Variants in AGBL4 observed in about 807,000 individuals in gnomAD.
AGBL4 encodes the protein cytosolic carboxypeptidase 6.
A neutral mutation model predicts 66.4 loss-of-function variants in AGBL4; 58 were observed. The observed-to-expected ratio is 0.87, with a 90% CI of 0.71 to 1.09. AGBL4 has a LOEUF of 1.09. AGBL4 is among the 50% of genes least tolerant of loss of function. AGBL4 has a pLI of 0.00. For missense variants in AGBL4, 579 were observed against 631.0 expected, an observed-to-expected ratio of 0.92 and a Z score of 0.88; for synonymous variants, 234 against 222.9, an observed-to-expected ratio of 1.05 and a Z score of -0.44.
downstream of AGBL4, among the ~76,000 whole-genome samples, chr1:48,531,329 G>C (rs1005641782): frequency 1.2e-4 from 19 of 152,044 alleles, no homozygotes; most frequent in South Asian, 3.9e-3. Flanking sequence ...CACTCCATTT[G>C]CTGACATCCA....
chr1:49,840,453 A>C (rs971813267), intron 2 of AGBL4, among the ~76,000 whole-genome samples: 2 of 152,134 alleles, frequency 1.3e-5, no homozygotes, highest in African/African-American at 4.8e-5. Flanking sequence ...TTTAATAACT[A>C]GTATCAATCC....
chr1:49,100,428 C>A (rs1166529382), intron 4 of AGBL4, among the ~76,000 whole-genome samples: 1 of 152,198 alleles, frequency 6.6e-6, no homozygotes, highest in African/African-American at 2.4e-5. Context: ...CTCCCAGGAA[C>A]TGGGGCAATA....
At chr1:49,709,521 T>C (rs917049203) in intron 2 of AGBL4, among the ~76,000 whole-genome samples, 3 of 152,102 alleles carry the variant, frequency 2.0e-5, no homozygotes, top group Non-Finnish European at 2.9e-5. Context: ...AAAGACTTCA[T>C]GACTAAAACA....
At chr1:49,422,782 C>T (rs1455039649) in intron 3 of AGBL4, among the ~76,000 whole-genome samples, 2 of 152,126 alleles carry the variant, frequency 1.3e-5, no homozygotes, top group Non-Finnish European at 2.9e-5. Context: ...ATTCTCATCC[C>T]CACCCCCTTA....
At chr1:49,131,702 G>A (rs1645899383) in intron 4 of AGBL4, among the ~76,000 whole-genome samples, 1 of 152,044 alleles carries the variant, frequency 6.6e-6, no homozygotes, top group African/African-American at 2.4e-5. Context: ...TATTTAGGAA[G>A]CATGAGAATT....
At chr1:48,539,567 G>A in intron 12 of AGBL4, 75 bp downstream of exon 12, 1 of 1,213,686 alleles carries the variant, frequency 8.2e-7, no homozygotes, top group Non-Finnish European at 1.1e-6. Flanking sequence ...GTCAGCAAAA[G>A]GCTAAGGGAA....
At chr1:49,456,353 T>C (rs1188608458) in intron 3 of AGBL4, among the ~76,000 whole-genome samples, 2 of 151,716 alleles carry the variant, frequency 1.3e-5, no homozygotes, top group East Asian at 1.9e-4. Context: ...CCATGAATCA[T>C]TGTATGCACG....
intron 3 of AGBL4, among the ~76,000 whole-genome samples, chr1:49,595,189 C>T (rs573211566): frequency 9.2e-5 from 14 of 152,234 alleles, no homozygotes; most frequent in African/African-American, 2.6e-4. Flanking sequence ...ACCGGGTTCA[C>T]GCCATTCTCC....
intron 3 of AGBL4, among the ~76,000 whole-genome samples, chr1:49,399,645 T>C (rs1383311784): frequency 6.6e-6 from 1 of 152,170 alleles, no homozygotes. Context: ...TATGTCTTCT[T>C]TTCAGAAATG....
At chr1:49,611,374 CT>C (rs35960918) in intron 3 of AGBL4, among the ~76,000 whole-genome samples, 3,553 of 117,852 alleles carry the variant, frequency 0.03, 83 homozygotes, top group African/African-American at 0.098. Context: ...CAACCATATT[CT>C]TTTTTTTTTT....
intron 4 of AGBL4, among the ~76,000 whole-genome samples, chr1:49,187,949 T>G (rs966059527): frequency 5.9e-5 from 9 of 152,222 alleles, no homozygotes; most frequent in Non-Finnish European, 2.9e-5. Flanking sequence ...TTCCCTATAC[T>G]ATTTTCATGA....
chr1:49,214,642 T>C (rs1198780202), intron 4 of AGBL4, among the ~76,000 whole-genome samples: 3 of 152,132 alleles, frequency 2.0e-5, no homozygotes, highest in African/African-American at 7.2e-5. Context: ...TCCATGACCA[T>C]GCAAATTGCT....
chr1:48,676,985 C>T (rs1003923591), intron 6 of AGBL4, among the ~76,000 whole-genome samples: 1 of 152,072 alleles, frequency 6.6e-6, no homozygotes, highest in Non-Finnish European at 1.5e-5. Flanking sequence ...GCTCTCTGCT[C>T]CCTGGGTCTC....
chr1:49,630,645 C>T (rs1645552343), intron 3 of AGBL4, among the ~76,000 whole-genome samples: 1 of 152,102 alleles, frequency 6.6e-6, no homozygotes, highest in Non-Finnish European at 1.5e-5. Flanking sequence ...ACCCTCGAAA[C>T]CCAATCTCCT....
chr1:48,653,629 T>C (rs1484643098), intron 7 of AGBL4, among the ~76,000 whole-genome samples, 178 bp from the exon 8 acceptor site: 1 of 152,164 alleles, frequency 6.6e-6, no homozygotes, highest in Non-Finnish European at 1.5e-5. Context: ...TATTTACAAA[T>C]ACATTTGTAT....
intron 3 of AGBL4, among the ~76,000 whole-genome samples, chr1:49,318,105 T>C (rs978176195): frequency 6.6e-6 from 1 of 152,036 alleles, no homozygotes; most frequent in Non-Finnish European, 1.5e-5. Context: ...GAAAAGTATA[T>C]TTAAAAGTCA....
intron 9 of AGBL4, among the ~76,000 whole-genome samples, chr1:48,601,241 T>C (rs1645069009): frequency 6.6e-6 from 1 of 152,210 alleles, no homozygotes; most frequent in Admixed American, 6.5e-5. Flanking sequence ...TTTCCCTCCC[T>C]GAGTTTCAGT....
chr1:49,610,302 C>A (rs912879944), intron 3 of AGBL4, among the ~76,000 whole-genome samples: 24 of 151,986 alleles, frequency 1.6e-4, no homozygotes, highest in Non-Finnish European at 2.6e-4. Context: ...AACTAAAGTT[C>A]AAAAATATGA....
At position 48,993,497 on chromosome 1, in the gene AGBL4, C is replaced by T. The variant is rs545771116; in HGVS notation, c.594+52087G>A. Among the ~76,000 whole-genome samples the T allele has an allele frequency of 2.6e-5, 4 of 152,280 alleles. No homozygotes were observed. In the South Asian group the frequency reaches 8.3e-4, roughly 32 times the overall value. On this transcript the variant is annotated intron_variant, in intron 5 of 13. Transcript: ENST00000371839. Reference sequence around the variant, plus strand: ...AGCTGTGGGGAAGGGATGGCACAAGCACTCCCCTGGCTGTCCTGGCTGATG... The same window carrying T: ...AGCTGTGGGGAAGGGATGGCACAAGTACTCCCCTGGCTGTCCTGGCTGATG...
Sources: allele counts gnomAD v4.1 joint callset (sites outside exome capture counted in the v4.1 genomes callset), GRCh38; gene constraint gnomAD v4.1.1; transcripts MANE v1.5; gene names NCBI Gene and HGNC (gene_info 2026-07-23, HGNC 2026-07-21).